XKR4: variants seen among roughly 807,000 people sequenced by gnomAD.
The protein encoded by XKR4 is XK-related protein 4.
XKR4 carries 12 observed loss-of-function variants against 53.9 expected under a neutral mutation model. The observed-to-expected ratio is 0.22, with a 90% CI of 0.14 to 0.36. The LOEUF is 0.36. Ranked by LOEUF, XKR4 falls within the 10% of genes least tolerant of loss-of-function variation. XKR4 has a pLI of 1.00. For missense variants in XKR4, 799 were observed against 859.5 expected, an observed-to-expected ratio of 0.93 and a Z score of 0.88; for synonymous variants, 354 against 362.4, an observed-to-expected ratio of 0.98 and a Z score of 0.26.
intron 1 of XKR4, among the ~76,000 whole-genome samples, chr8:55,122,997 C>A (rs6980811): frequency 6.6e-6 from 1 of 152,030 alleles, no homozygotes; most frequent in Non-Finnish European, 1.5e-5. Flanking sequence ...TTGTACCTGA[C>A]ATTTATCTGT....
intron 1 of XKR4, among the ~76,000 whole-genome samples, chr8:55,340,540 A>G (rs761722306): frequency 2.0e-5 from 3 of 152,232 alleles, no homozygotes; most frequent in Non-Finnish European, 4.4e-5. Context: ...TCTGCTCACC[A>G]AAGAGCAGAT....
intron 2 of XKR4, among the ~76,000 whole-genome samples, chr8:55,463,469 C>T (rs1282618875): frequency 1.3e-5 from 2 of 151,110 alleles, no homozygotes; most frequent in African/African-American, 2.4e-5. Context: ...GGGACACATT[C>T]AAAGCAGTGT....
At chr8:55,372,842 T>C (rs112134961) in intron 2 of XKR4, among the ~76,000 whole-genome samples, 30 of 152,210 alleles carry the variant, frequency 2.0e-4, no homozygotes, top group African/African-American at 6.5e-4. Flanking sequence ...ACAGCTTTTT[T>C]CCCCCCAGGG....
chr8:55,238,611 C>T (rs1022332803), intron 1 of XKR4, among the ~76,000 whole-genome samples: 1 of 152,098 alleles, frequency 6.6e-6, no homozygotes, highest in African/African-American at 2.4e-5. Flanking sequence ...CCTGTGCCCT[C>T]ATCTAAATAT....
chr8:55,377,959 T>A (rs574796612), intron 2 of XKR4, among the ~76,000 whole-genome samples: 1 of 152,332 alleles, frequency 6.6e-6, no homozygotes, highest in South Asian at 2.1e-4. Flanking sequence ...TGTGTGCGCG[T>A]AATACCTATT....
intron 2 of XKR4, among the ~76,000 whole-genome samples, chr8:55,512,210 G>C (rs1025219526): frequency 3.3e-5 from 5 of 152,184 alleles, no homozygotes; most frequent in African/African-American, 9.7e-5. Flanking sequence ...CAAGTATTGA[G>C]ATAACTCCCG....
In XKR4 at chr8:55,541,348, G is replaced by A. The variant is rs541284302; in HGVS notation, c.*17121G>A. On this transcript the variant is annotated 3_prime_UTR_variant, in exon 3 of 3. Transcript: ENST00000327381. ...CATCAAGATAAGCTGCTCTATATTT[G>A]CTTAATTTGCCTTAAACATTTTGTG... is the stretch of plus-strand genomic sequence containing the variant. 1 of 152,052 alleles carries A rather than the reference G, an allele frequency of 6.6e-6. No individual in the cohort carries two copies. Among genetic ancestry groups the A allele is most frequent in the South Asian group, 2.1e-4 (1 of 4,812 alleles). The allele number at this position is 152,052 out of a possible 1,614,324, so 9.4% of individuals were successfully genotyped here.
intron 1 of XKR4, among the ~76,000 whole-genome samples, chr8:55,319,294 G>A (rs562971909): frequency 2.8e-4 from 42 of 152,264 alleles, no homozygotes; most frequent in Admixed American, 4.6e-4. Flanking sequence ...TATAGTTTGC[G>A]ATTTGTGGTT....
chr8:55,108,941 A>G (rs930803139), intron 1 of XKR4, among the ~76,000 whole-genome samples: 15 of 152,166 alleles, frequency 9.9e-5, no homozygotes, highest in African/African-American at 3.4e-4. Flanking sequence ...TGAAAGCAAC[A>G]TGGAAAATGG....
chr8:55,379,550 A>G (rs1804201720), intron 2 of XKR4, among the ~76,000 whole-genome samples: 1 of 152,238 alleles, frequency 6.6e-6, no homozygotes. Context: ...TTCTCAGAGC[A>G]CAGACATGAG....
intron 1 of XKR4, among the ~76,000 whole-genome samples, chr8:55,157,927 T>C (rs576779470): frequency 1.3e-5 from 2 of 152,356 alleles, no homozygotes; most frequent in South Asian, 4.1e-4. Context: ...CCACTGTTGA[T>C]GGGCATTGAT....
At chr8:55,211,576 C>T (rs1817730750) in intron 1 of XKR4, among the ~76,000 whole-genome samples, 1 of 152,088 alleles carries the variant, frequency 6.6e-6, no homozygotes, top group South Asian at 2.1e-4. Context: ...TACCATAAGA[C>T]AGTTTTATTT....
intron 1 of XKR4, among the ~76,000 whole-genome samples, chr8:55,186,584 AG>A (rs1817381442): frequency 6.6e-6 from 1 of 152,130 alleles, no homozygotes; most frequent in Admixed American, 6.5e-5. Context: ...TGAACCCAGG[AG>A]GCAGAGTTTG....
intron 1 of XKR4, among the ~76,000 whole-genome samples, chr8:55,146,393 T>C (rs1388665458): frequency 1.3e-5 from 2 of 152,212 alleles, no homozygotes; most frequent in Non-Finnish European, 2.9e-5. Flanking sequence ...AGGTGGAAAT[T>C]AGTTTCCACC....
At chr8:55,260,470 G>A (rs1262229286) in intron 1 of XKR4, among the ~76,000 whole-genome samples, 3 of 152,286 alleles carry the variant, frequency 2.0e-5, no homozygotes, top group South Asian at 2.1e-4. Flanking sequence ...GTAAATATCC[G>A]AGGTTCGTTG....
At chr8:55,278,972 C>G (rs915206203) in intron 1 of XKR4, among the ~76,000 whole-genome samples, 1 of 152,146 alleles carries the variant, frequency 6.6e-6, no homozygotes, top group East Asian at 1.9e-4. Context: ...AAAACAAAAA[C>G]CCAGACATTC....
intron 2 of XKR4, among the ~76,000 whole-genome samples, chr8:55,494,413 T>G (rs1386424478): frequency 2.0e-5 from 3 of 152,246 alleles, no homozygotes; most frequent in Non-Finnish European, 2.9e-5. Context: ...GCAAGAGGCA[T>G]GTTTCAGCCC....
In XKR4 at chr8:55,539,707, T is replaced by G. The variant is rs1196524043; in HGVS notation, c.*15480T>G. On this transcript the variant is annotated 3_prime_UTR_variant, in exon 3 of 3. Coordinates refer to ENST00000327381, the MANE Select transcript of XKR4 (RefSeq NM_052898.2). ...TTTTTCCCCTGCCCACTTCCTAGTATCAATACTCCCCCAACCAGAAATGCA... is the reference window on the plus strand; with the variant it reads ...TTTTTCCCCTGCCCACTTCCTAGTAGCAATACTCCCCCAACCAGAAATGCA... The G allele has an allele frequency of 6.6e-6, 1 of 152,190 alleles. No homozygotes were observed. The highest frequency in any genetic ancestry group is 1.9e-4 in the East Asian group (1 of 5,196). 9.4% of individuals were successfully genotyped at this position (152,190 alleles called of 1,614,324 possible).
At chr8:55,380,227 A>G (rs1804212135) in intron 2 of XKR4, among the ~76,000 whole-genome samples, 1 of 152,326 alleles carries the variant, frequency 6.6e-6, no homozygotes, top group African/African-American at 2.4e-5. Context: ...GCACACACTT[A>G]AATGAAGGGG....
Sources: allele counts gnomAD v4.1 joint callset (sites outside exome capture counted in the v4.1 genomes callset), GRCh38; gene constraint gnomAD v4.1.1; transcripts MANE v1.5; gene names NCBI Gene and HGNC (gene_info 2026-07-23, HGNC 2026-07-21).